RANBP2: variants seen among roughly 807,000 people sequenced by gnomAD.
RANBP2 encodes the protein RAN binding protein 2.
A neutral mutation model predicts 303.6 loss-of-function variants in RANBP2; 57 were observed. The observed-to-expected ratio is 0.19, with a 90% CI of 0.15 to 0.23. RANBP2 has a LOEUF of 0.23. Among genes scored for constraint, RANBP2 ranks in the 10% least tolerant of loss-of-function variants. RANBP2 has a pLI of 1.00. For missense variants in RANBP2, 3,138 were observed against 3,780.8 expected (o/e 0.83, Z 4.46); for synonymous variants, 1,167 against 1,301.5 (o/e 0.90, Z 2.23).
chr2:109,182,054 C>T, the RANBP2 span, among the ~76,000 whole-genome samples: 23 of 152,058 alleles, frequency 1.5e-4, no homozygotes, highest in Admixed American at 9.8e-4. Context: ...ATATGTATGC[C>T]GTAAACCTGA....
chr2:109,078,268 GTATATATATA>G, the RANBP2 span, among the ~76,000 whole-genome samples: 140 of 46,254 alleles, frequency 3.0e-3, 4 homozygotes, highest in Middle Eastern at 0.01. Flanking sequence ...TATATAGCGC[GTATATATATA>G]TATATATATA....
At chr2:109,015,851 C>T in the RANBP2 span, among the ~76,000 whole-genome samples, 1 of 152,132 alleles carries the variant, frequency 6.6e-6, no homozygotes, top group Non-Finnish European at 1.5e-5. Context: ...TTATGTTATC[C>T]GTAAGGCTTC....
At chr2:108,860,005 A>G in the RANBP2 span, among the ~76,000 whole-genome samples, 1 of 152,152 alleles carries the variant, frequency 6.6e-6, no homozygotes, top group South Asian at 2.1e-4. Context: ...TTCTCCTTGT[A>G]GAGATATTTC....
the RANBP2 span, among the ~76,000 whole-genome samples, chr2:109,487,330 G>A: frequency 6.6e-5 from 10 of 152,170 alleles, no homozygotes; most frequent in Admixed American, 3.3e-4. Flanking sequence ...TGCCTCACAC[G>A]GGACGACCAC....
At chr2:109,016,724 C>A in the RANBP2 span, among the ~76,000 whole-genome samples, 1 of 152,324 alleles carries the variant, frequency 6.6e-6, no homozygotes, top group Non-Finnish European at 1.5e-5. Context: ...AGTGGGCTCC[C>A]AGCCAGGCGA....
the RANBP2 span, among the ~76,000 whole-genome samples, chr2:109,352,103 C>CT: frequency 1.3e-5 from 2 of 152,082 alleles, no homozygotes; most frequent in African/African-American, 4.8e-5. Context: ...GTTTGAGTTG[C>CT]TTTTTTTAAC....
the RANBP2 span, among the ~76,000 whole-genome samples, chr2:109,599,229 C>T: frequency 2.0e-5 from 3 of 151,790 alleles, no homozygotes; most frequent in East Asian, 1.9e-4. Flanking sequence ...AGGCCAAGAC[C>T]GGTGGATCAC....
the RANBP2 span, among the ~76,000 whole-genome samples, chr2:109,295,836 C>A: frequency 3.4e-4 from 52 of 152,160 alleles, no homozygotes; most frequent in Admixed American, 1.3e-3. Context: ...CCTGCACGGG[C>A]ATCTCTGTGT....
chr2:108,721,996 A>G (rs1323683870), intron 1 of RANBP2, among the ~76,000 whole-genome samples: 2 of 151,328 alleles, frequency 1.3e-5, no homozygotes, highest in Non-Finnish European at 2.9e-5. Flanking sequence ...CCTTGGCCCC[A>G]AGTGCTGAGA....
chr2:109,565,849 G>A, the RANBP2 span: 51 of 1,613,634 alleles, frequency 3.2e-5, no homozygotes, highest in South Asian at 1.8e-4. Context: ...AACAGCAAAC[G>A]GCAACTGTCC....
At chr2:108,858,591 T>C in the RANBP2 span, among the ~76,000 whole-genome samples, 1 of 152,210 alleles carries the variant, frequency 6.6e-6, no homozygotes, top group Non-Finnish European at 1.5e-5. Context: ...CGAGGAAAGA[T>C]TGATCAAAGT....
chr2:109,029,586 G>A, the RANBP2 span, among the ~76,000 whole-genome samples: 238 of 152,320 alleles, frequency 1.6e-3, 2 homozygotes, highest in African/African-American at 5.1e-3. Flanking sequence ...TGTCCCTGCC[G>A]GGCAAACTTT....
the RANBP2 span, among the ~76,000 whole-genome samples, chr2:108,961,561 T>C: frequency 6.6e-6 from 1 of 152,202 alleles, no homozygotes; most frequent in African/African-American, 2.4e-5. Flanking sequence ...AACTGCTCTT[T>C]TGGTTATGGA....
the RANBP2 span, among the ~76,000 whole-genome samples, chr2:108,948,709 G>A: frequency 1.3e-5 from 2 of 152,036 alleles, no homozygotes; most frequent in East Asian, 3.9e-4. Context: ...AACAACATGG[G>A]GAAAACTGCT....
chr2:109,519,004 C>T, the RANBP2 span, among the ~76,000 whole-genome samples: 40 of 151,050 alleles, frequency 2.6e-4, no homozygotes, highest in South Asian at 2.1e-3. Context: ...CTGCATCCTC[C>T]GCCTCCTGGG....
At position 108,775,861 on chromosome 2, in the gene RANBP2, G is replaced by C; in HGVS notation, c.8422G>C (p.Val2808Leu). The part of the protein sequence containing the change: ...SITKSISSPS[V>L]SSETMDKPVD... Reference sequence around the variant, plus strand: ...TACCAAATCCATTAGTTCACCATCTGTTTCCTCTGAAACTATGGACAAACC... The same window carrying C: ...TACCAAATCCATTAGTTCACCATCTCTTTCCTCTGAAACTATGGACAAACC... The change falls in exon 24 of 29, where the codon GTT (valine) becomes CTT (leucine). Residue 2808 changes from valine to leucine, a missense_variant. Val to Leu is a conservative substitution (Grantham distance 32). This residue lies in a region of RANBP2 where 497 missense variants were observed against 465.8 expected (regional missense o/e 1.07). Coordinates refer to ENST00000283195, the MANE Select transcript of RANBP2 (RefSeq NM_006267.5). 2 of 1,613,472 alleles carry C rather than the reference G, an allele frequency of 1.2e-6. No individual in the cohort carries two copies. The highest frequency in any genetic ancestry group is 1.7e-6 in the Non-Finnish European group (2 of 1,179,890).
chr2:109,153,695 A>G, the RANBP2 span, among the ~76,000 whole-genome samples: 1 of 152,202 alleles, frequency 6.6e-6, no homozygotes, highest in Non-Finnish European at 1.5e-5. Flanking sequence ...ATCTTGATCT[A>G]GTCTCCAGGG....
the RANBP2 span, among the ~76,000 whole-genome samples, chr2:109,070,076 C>T: frequency 6.6e-6 from 1 of 152,146 alleles, no homozygotes; most frequent in African/African-American, 2.4e-5. Flanking sequence ...AGCCAGCCTG[C>T]GACGTGCTGG....
the RANBP2 span, among the ~76,000 whole-genome samples, chr2:109,037,964 A>G: frequency 6.4e-3 from 969 of 152,330 alleles, 9 homozygotes; most frequent in African/African-American, 0.022. Context: ...CCAAATTTAC[A>G]TGGAAAGGCA....
Sources: allele counts gnomAD v4.1 joint callset (sites outside exome capture counted in the v4.1 genomes callset), GRCh38; gene constraint gnomAD v4.1.1; regional missense constraint gnomAD v4.1.1; transcripts MANE v1.5; gene names NCBI Gene and HGNC (gene_info 2026-07-23, HGNC 2026-07-21).